HS3ST5: variants seen among roughly 807,000 people sequenced by gnomAD.
HS3ST5 encodes the protein heparan sulfate-glucosamine 3-sulfotransferase 5, also known as heparan sulfate glucosamine 3-O-sulfotransferase 5.
In HS3ST5, 10 loss-of-function variants were observed where a neutral mutation model predicts 25.4. That is an observed-to-expected ratio of 0.39 (90% CI 0.24 to 0.67). The LOEUF (loss-of-function observed/expected upper bound fraction) is 0.67, where lower values mean the gene tolerates loss of function less well. HS3ST5 is among the 30% of genes least tolerant of loss of function. The pLI, the probability that HS3ST5 is intolerant of heterozygous loss-of-function variation, is 0.44. For missense variants in HS3ST5, 324 were observed against 420.7 expected (o/e 0.77, Z 2.01); for synonymous variants, 170 against 162.4 (o/e 1.05, Z -0.36).
chr6:114,077,374 G>A (rs1486861522), intron 3 of HS3ST5, among the ~76,000 whole-genome samples: 2 of 152,034 alleles, frequency 1.3e-5, no homozygotes, highest in Non-Finnish European at 2.9e-5. Flanking sequence ...TTATAGAAGG[G>A]ATAAACTAAT....
At chr6:114,189,097 T>A (rs900922872) in intron 2 of HS3ST5, among the ~76,000 whole-genome samples, 1 of 152,100 alleles carries the variant, frequency 6.6e-6, no homozygotes. Context: ...AGGGTGTATA[T>A]AAGGCAAAAT....
intron 1 of HS3ST5, among the ~76,000 whole-genome samples, chr6:114,298,816 A>G (rs1319676413): frequency 6.6e-6 from 1 of 152,138 alleles, no homozygotes; most frequent in Non-Finnish European, 1.5e-5. Context: ...CACTTCCCCA[A>G]TCAATACCCT....
intron 1 of HS3ST5, among the ~76,000 whole-genome samples, chr6:114,273,785 C>A (rs1773730876): frequency 6.6e-6 from 1 of 151,910 alleles, no homozygotes; most frequent in Non-Finnish European, 1.5e-5. Context: ...AGAGCAGTTT[C>A]AGGGGAGTTG....
At chr6:114,312,881 T>C (rs1775589102) in intron 1 of HS3ST5, among the ~76,000 whole-genome samples, 1 of 151,146 alleles carries the variant, frequency 6.6e-6, no homozygotes, top group Admixed American at 6.6e-5. Flanking sequence ...AATACAAAAA[T>C]CAGCCGAGCA....
chr6:114,092,070 A>T (rs1775148426), intron 3 of HS3ST5, among the ~76,000 whole-genome samples: 1 of 152,242 alleles, frequency 6.6e-6, no homozygotes, highest in Admixed American at 6.5e-5. Flanking sequence ...TCAACAGGCC[A>T]AAAAGAGGTC....
At chr6:114,070,534 G>T (rs374459355) in intron 3 of HS3ST5, among the ~76,000 whole-genome samples, 3 of 152,088 alleles carry the variant, frequency 2.0e-5, no homozygotes, top group African/African-American at 4.8e-5. Context: ...CTCTTAGAAA[G>T]ATTTATAGTA....
chr6:114,069,543 G>A (rs1054776039), intron 3 of HS3ST5, among the ~76,000 whole-genome samples: 3 of 140,722 alleles, frequency 2.1e-5, no homozygotes, highest in Admixed American at 7.3e-5. Context: ...TTTTTGAGAC[G>A]GAGTCTCGCT....
intron 1 of HS3ST5, among the ~76,000 whole-genome samples, chr6:114,337,539 C>T (rs1042391036): frequency 3.9e-5 from 6 of 152,106 alleles, no homozygotes. Context: ...CTTAAAGTTA[C>T]CTAATTTAAA....
chr6:114,332,634 C>G (rs9689797), intron 1 of HS3ST5, among the ~76,000 whole-genome samples: 9,622 of 151,852 alleles, frequency 0.063, 550 homozygotes, highest in African/African-American at 0.15. Flanking sequence ...TTGGGGGTGG[C>G]GAGAGAGTGT....
chr6:114,123,547 A>G (rs1311915467), intron 3 of HS3ST5, among the ~76,000 whole-genome samples: 1 of 152,194 alleles, frequency 6.6e-6, no homozygotes, highest in Non-Finnish European at 1.5e-5. Context: ...CCACACATTC[A>G]AGGTCCATTT....
At chr6:114,263,460 C>T (rs1773267067) in intron 1 of HS3ST5, among the ~76,000 whole-genome samples, 1 of 152,170 alleles carries the variant, frequency 6.6e-6, no homozygotes, top group African/African-American at 2.4e-5. Flanking sequence ...ATCCAGTTCT[C>T]CAGATAAGAG....
At chr6:114,155,673 A>G (rs1778666444) in intron 3 of HS3ST5, among the ~76,000 whole-genome samples, 1 of 152,242 alleles carries the variant, frequency 6.6e-6, no homozygotes, top group Non-Finnish European at 1.5e-5. Flanking sequence ...AACCCATTAT[A>G]TCATACACCT....
chr6:114,306,408 G>A (rs1775301495), intron 1 of HS3ST5, among the ~76,000 whole-genome samples: 1 of 150,298 alleles, frequency 6.7e-6, no homozygotes, highest in South Asian at 2.1e-4. Context: ...TAATCTATAA[G>A]CAAATAATTT....
Position 114,342,881 on chromosome 6 carries a change from C to G in HS3ST5, c.-1025G>C, listed in dbSNP as rs999911420. On this transcript the variant is annotated 5_prime_UTR_variant, in exon 1 of 5. Coordinates refer to ENST00000312719, the MANE Select transcript of HS3ST5 (RefSeq NM_153612.4). ...GGCTGGCGCTGTCACGGCCGCCGCC[C>G]GGCCCCCAGAGCGCCCGAGCCGGCA... 4 of 152,848 alleles carry G rather than the reference C, an allele frequency of 2.6e-5. No individual in the cohort carries two copies. The highest frequency in any genetic ancestry group is 4.4e-5 in the Non-Finnish European group (3 of 68,600). 9.5% of individuals were successfully genotyped at this position (152,848 alleles called of 1,614,324 possible).
chr6:114,058,246 G>A, intron 4 of HS3ST5, 56 bp from the exon 5 acceptor site: 1 of 1,366,756 alleles, frequency 7.3e-7, no homozygotes, highest in African/African-American at 1.4e-5. Flanking sequence ...TCATTTTTCT[G>A]GTTCCCCAGT....
chr6:114,151,061 G>C (rs1266868969), intron 3 of HS3ST5, among the ~76,000 whole-genome samples: 6 of 152,096 alleles, frequency 3.9e-5, no homozygotes, highest in Non-Finnish European at 8.8e-5. Context: ...TGTTTTACAA[G>C]TCATTCAAAA....
At chr6:114,137,360 G>T (rs1040209730) in intron 3 of HS3ST5, among the ~76,000 whole-genome samples, 3 of 152,150 alleles carry the variant, frequency 2.0e-5, no homozygotes, top group Non-Finnish European at 4.4e-5. Context: ...GGTGGTAAGA[G>T]AAATACACAC....
At chr6:114,275,182 T>C (rs1415174292) in intron 1 of HS3ST5, among the ~76,000 whole-genome samples, 1 of 152,024 alleles carries the variant, frequency 6.6e-6, no homozygotes, top group East Asian at 1.9e-4. Context: ...TGTTCCAGAG[T>C]TTAAGTACCT....
At chr6:114,188,119 C>T (rs766050066) in intron 2 of HS3ST5, among the ~76,000 whole-genome samples, 5 of 152,144 alleles carry the variant, frequency 3.3e-5, no homozygotes, top group Non-Finnish European at 7.3e-5. Context: ...TGCAATATCT[C>T]CGAGGTACGC....
Sources: gnomAD v4.1 joint callset for allele counts (sites outside exome capture counted in the v4.1 genomes callset) on GRCh38, gnomAD v4.1.1 for gene constraint, MANE v1.5 for transcripts, NCBI Gene and HGNC (gene_info 2026-07-23, HGNC 2026-07-21) for gene names.